The following PIPOX variants were observed in gnomAD, a reference collection of about 807,000 sequenced individuals.
The protein encoded by PIPOX is pipecolic acid and sarcosine oxidase, also known as peroxisomal sarcosine oxidase.
In PIPOX, 45 loss-of-function variants were observed where a neutral mutation model predicts 47.9. The observed-to-expected ratio is 0.94, with a 90% CI of 0.74 to 1.20. The LOEUF is 1.20. Ranked by LOEUF, PIPOX falls within the 50% of genes most tolerant of loss-of-function variation. The pLI, the probability that PIPOX is intolerant of heterozygous loss-of-function variation, is 0.00. For synonymous variants in PIPOX, 165 were observed against 191.3 expected, an observed-to-expected ratio of 0.86 and a Z score of 1.13; for missense variants, 458 against 498.4, an observed-to-expected ratio of 0.92 and a Z score of 0.77.
chr17:29,045,775 C>T (rs1057494975), intron 2 of PIPOX, among the ~76,000 whole-genome samples: 14 of 152,050 alleles, frequency 9.2e-5, no homozygotes, highest in Non-Finnish European at 1.9e-4. Context: ...CTTTAGCAGC[C>T]CTATAAACCC....
chr17:29,047,443 A>C (rs2065789938), intron 2 of PIPOX, among the ~76,000 whole-genome samples: 2 of 151,846 alleles, frequency 1.3e-5, no homozygotes, highest in South Asian at 4.1e-4. Flanking sequence ...AAATCACAGA[A>C]TTACTATACT....
chr17:29,049,182 T>C (rs1284032147), intron 2 of PIPOX, among the ~76,000 whole-genome samples: 1 of 152,190 alleles, frequency 6.6e-6, no homozygotes, highest in Non-Finnish European at 1.5e-5. Context: ...GAAGGAATAG[T>C]TCATACTAAA....
intron 3 of PIPOX, 38 bp from the exon 4 acceptor site, chr17:29,053,375 C>G: frequency 6.3e-7 from 1 of 1,580,744 alleles, no homozygotes; most frequent in Non-Finnish European, 8.6e-7. Context: ...GAACCACATA[C>G]AGAACTAATT....
intron 2 of PIPOX, among the ~76,000 whole-genome samples, chr17:29,050,961 T>G (rs2065803795): frequency 6.6e-6 from 1 of 151,102 alleles, no homozygotes; most frequent in African/African-American, 2.4e-5. Flanking sequence ...CCAACAAGGC[T>G]CAATACAAAA....
chr17:29,057,021 A>G lies in PIPOX; in HGVS notation c.*716A>G, dbSNP rs1568021842. Reference sequence around the variant, plus strand: ...AAACAAAAAAAACCTCTTTGCTGGTATATTTGAAGAGCTTGGGATGGATTT... The same window carrying G: ...AAACAAAAAAAACCTCTTTGCTGGTGTATTTGAAGAGCTTGGGATGGATTT... On this transcript the variant is annotated 3_prime_UTR_variant, in exon 8 of 8. Transcript: ENST00000323372. The G allele has an allele frequency of 6.6e-6, 1 of 152,074 alleles. No individual in the cohort carries two copies. Among genetic ancestry groups the G allele is most frequent in the Non-Finnish European group, 1.5e-5 (1 of 68,040 alleles). The allele number at this position is 152,074 out of a possible 1,614,324, so 9.4% of individuals were successfully genotyped here. A position where few individuals can be genotyped will look rare whatever the true frequency, so the allele number is the denominator to read the frequency against.
chr17:29,054,470 C>A, intron 4 of PIPOX, 75 bp from the exon 5 acceptor site: 1 of 1,553,014 alleles, frequency 6.4e-7, no homozygotes, highest in Non-Finnish European at 8.8e-7. Flanking sequence ...GCCGCAGGGG[C>A]CCAGAGAAAC....
Position 29,053,038 on chromosome 17 carries a change from C to A in PIPOX, c.382C>A (p.Arg128Ser). The A allele has an allele frequency of 6.2e-7, 1 of 1,614,206 alleles. No individual in the cohort carries two copies. The highest frequency in any genetic ancestry group is 1.1e-5 in the South Asian group (1 of 91,084). The change falls in exon 3 of 8, where the codon CGT becomes AGT. Residue 128 changes from arginine (R) to serine (S), a missense_variant. Transcript: ENST00000323372. ...TCTTTCATCTGAGGAACTGAAGCAA[C>A]GTTTCCCAAATATTCGGTTGCCCAG... ...QCLSSEELKQ[R>S]FPNIRLPRGE...
chr17:29,051,627 C>T (rs1237614535), intron 2 of PIPOX, among the ~76,000 whole-genome samples: 1 of 152,142 alleles, frequency 6.6e-6, no homozygotes, highest in African/African-American at 2.4e-5. Flanking sequence ...GCTCTGGTCT[C>T]TTGTGACAGA....
intron 2 of PIPOX, among the ~76,000 whole-genome samples, chr17:29,052,625 T>A (rs986879364): frequency 1.3e-5 from 2 of 152,210 alleles, no homozygotes; most frequent in Non-Finnish European, 2.9e-5. Flanking sequence ...AGTGGTGCAA[T>A]CATGGCTCAC....
intron 3 of PIPOX, 28 bp downstream of exon 3, chr17:29,053,161 C>T (rs574205275): frequency 6.3e-7 from 1 of 1,589,806 alleles, no homozygotes; most frequent in Non-Finnish European, 8.6e-7. Context: ...TGGGGCGATG[C>T]AGGTGCTCCC....
chr17:29,045,764 C>A (rs921661054), intron 2 of PIPOX, among the ~76,000 whole-genome samples: 2 of 152,018 alleles, frequency 1.3e-5, no homozygotes, highest in Non-Finnish European at 2.9e-5. Context: ...GTCCTCACCC[C>A]CTTTAGCAGC....
rs142365862 is a variant in PIPOX at position 29,054,559 on chromosome 17, C to A, written c.675C>A (p.Asn225Lys). The part of the protein sequence containing the change: ...IEMPLQTLRI[N>K]VCYWREMVPG... ...CCTGCCTCAAGACCCTGCGGATCAACGTGTGTTACTGGCGAGAGATGGTTC... is the reference window on the plus strand; with the variant it reads ...CCTGCCTCAAGACCCTGCGGATCAAAGTGTGTTACTGGCGAGAGATGGTTC... Residue 225 changes from asparagine to lysine, a missense_variant, in exon 5 of 8, where the codon AAC (asparagine) becomes AAA (lysine). Asn to Lys is a moderately conservative substitution (Grantham distance 94, BLOSUM62 0). Transcript: ENST00000323372. 1 of 1,614,182 alleles carries A rather than the reference C, an allele frequency of 6.2e-7. No individual in the cohort carries two copies. Among genetic ancestry groups the A allele is most frequent in the South Asian group, 1.1e-5 (1 of 91,082 alleles).
intron 2 of PIPOX, among the ~76,000 whole-genome samples, chr17:29,046,371 T>TAAGAGACG (rs1393700765): frequency 6.6e-6 from 1 of 152,206 alleles, no homozygotes; most frequent in Admixed American, 6.5e-5. Context: ...GTCTGGAATC[T>TAAGAGACG]TTCCGAGGGA....
chr17:29,055,693 T>G (rs1035775175), intron 6 of PIPOX, 120 bp from the exon 7 acceptor site: 2 of 856,522 alleles, frequency 2.3e-6, no homozygotes, highest in Non-Finnish European at 4.0e-6. Flanking sequence ...GAAAGCATCC[T>G]TGTGCCTCAT....
chr17:29,051,869 C>T (rs2065807740), intron 2 of PIPOX: 1 of 459,880 alleles, frequency 2.2e-6, no homozygotes, highest in Non-Finnish European at 4.5e-6. Context: ...GAGGCAGCAC[C>T]AGGCATTGTG....
intron 5 of PIPOX, 40 bp from the exon 6 acceptor site, chr17:29,055,023 G>A (rs1317220554): frequency 1.9e-6 from 3 of 1,612,550 alleles, no homozygotes; most frequent in Non-Finnish European, 2.5e-6. Context: ...TGTGTGGAAG[G>A]CCAGCCCTCA....
intron 1 of PIPOX, among the ~76,000 whole-genome samples, chr17:29,043,752 G>T (rs1229951426): frequency 6.6e-6 from 1 of 152,186 alleles, no homozygotes; most frequent in Middle Eastern, 3.4e-3. Context: ...CTAAGAGGTA[G>T]GATTCTGTCT....
At chr17:29,054,499 G>A (rs1209252083) in intron 4 of PIPOX, 46 bp from the exon 5 acceptor site, 1 of 1,609,562 alleles carries the variant, frequency 6.2e-7, no homozygotes, top group Non-Finnish European at 8.5e-7. Flanking sequence ...TTGCTGTAGA[G>A]TTCCATGGCT....
intron 5 of PIPOX, 106 bp downstream of exon 5, chr17:29,054,797 A>G: frequency 7.6e-7 from 1 of 1,318,176 alleles, no homozygotes; most frequent in Non-Finnish European, 1.0e-6. Context: ...GGCCAGCAGC[A>G]GGAGCCTGCT....
Sources: allele counts gnomAD v4.1 joint callset (sites outside exome capture counted in the v4.1 genomes callset), GRCh38; gene constraint gnomAD v4.1.1; transcripts MANE v1.5; gene names NCBI Gene and HGNC (gene_info 2026-07-23, HGNC 2026-07-21).